The following EPN2 variants were observed in gnomAD, a reference collection of about 807,000 sequenced individuals.
EPN2 encodes the protein epsin-2.
In EPN2, 34 loss-of-function variants were observed where a neutral mutation model predicts 61.7. The observed-to-expected ratio is 0.55, with a 90% CI of 0.42 to 0.73. The LOEUF is 0.73. Ranked by LOEUF, EPN2 falls within the 30% of genes least tolerant of loss-of-function variation. The probability of loss-of-function intolerance (pLI) is 0.00; values close to 1 mark genes in which losing one functional copy is unlikely to be tolerated. For missense variants in EPN2, 714 were observed against 839.2 expected, an observed-to-expected ratio of 0.85 and a Z score of 1.84; for synonymous variants, 349 against 353.6, an observed-to-expected ratio of 0.99 and a Z score of 0.15.
chr17:19,295,370 G>GCGCA (rs1227756316), intron 4 of EPN2, among the ~76,000 whole-genome samples: 4 of 129,902 alleles, frequency 3.1e-5, no homozygotes, highest in African/African-American at 1.4e-4. Flanking sequence ...ACACACACGC[G>GCGCA]CGTGCGCGCA....
intron 7 of EPN2, among the ~76,000 whole-genome samples, chr17:19,326,846 G>A (rs1906899564): frequency 6.6e-6 from 1 of 152,156 alleles, no homozygotes; most frequent in African/African-American, 2.4e-5. Context: ...GAGTCAAGAA[G>A]AAGGTAACCA....
At chr17:19,256,419 CAAAAAAAAAA>C (rs61210278) in intron 1 of EPN2, among the ~76,000 whole-genome samples, 7 of 67,970 alleles carry the variant, frequency 1.0e-4, no homozygotes, top group Middle Eastern at 7.2e-3. Context: ...GACCCTGTCT[CAAAAAAAAAA>C]AAAAAAAAAA....
intron 1 of EPN2, among the ~76,000 whole-genome samples, chr17:19,240,668 T>C (rs1272781833): frequency 6.6e-6 from 1 of 152,230 alleles, no homozygotes; most frequent in African/African-American, 2.4e-5. Flanking sequence ...GTCAATACTT[T>C]GCCGTCTAGC....
intron 1 of EPN2, among the ~76,000 whole-genome samples, chr17:19,255,801 T>C (rs1481923344): frequency 6.6e-6 from 1 of 152,024 alleles, no homozygotes; most frequent in Non-Finnish European, 1.5e-5. Context: ...TATTTATTTA[T>C]TTGTAGAGAC....
At chr17:19,331,725 C>A in intron 9 of EPN2, 128 bp from the exon 10 acceptor site, 1 of 735,666 alleles carries the variant, frequency 1.4e-6, no homozygotes, top group Non-Finnish European at 2.4e-6. Flanking sequence ...CAGCCCATGA[C>A]TGGCTGTGTG....
intron 4 of EPN2, among the ~76,000 whole-genome samples, chr17:19,294,777 C>G (rs1040851355): frequency 5.9e-5 from 9 of 152,174 alleles, no homozygotes; most frequent in Non-Finnish European, 8.8e-5. Flanking sequence ...AAATGAGAAT[C>G]TCTGGGAGGG....
Position 19,283,128 on chromosome 17 carries a change from T to G in EPN2, c.9T>G (p.Thr3=), listed in dbSNP as rs146298008. MT[T]SSIRRQMKNI... ...TAACAAAGAAAATAAAAATGACGAC[T>G]TCGTCTATCAGACGGCAGATGAAAA... Residue 3 remains threonine (T), a synonymous_variant, in exon 3 of 11, where the codon ACT becomes ACG. Transcript: ENST00000314728. The surrounding 1 kb of genome is among the most constrained non-coding windows in gnomAD (Gnocchi z 7.0). The G allele has an allele frequency of 6.2e-7, 1 of 1,605,120 alleles. No homozygotes were observed. The highest frequency in any genetic ancestry group is 1.7e-5 in the Admixed American group (1 of 57,798).
intron 7 of EPN2, among the ~76,000 whole-genome samples, chr17:19,325,443 T>G (rs1350270596): frequency 6.6e-6 from 1 of 152,196 alleles, no homozygotes; most frequent in African/African-American, 2.4e-5. Context: ...ATTAGAAAAT[T>G]TACAAATGTA....
At chr17:19,280,562 A>G (rs1326281946) in intron 1 of EPN2, among the ~76,000 whole-genome samples, 2 of 152,158 alleles carry the variant, frequency 1.3e-5, no homozygotes, top group Non-Finnish European at 2.9e-5. Context: ...ATATTTGAGG[A>G]TGGAGAGAAG....
intron 4 of EPN2, among the ~76,000 whole-genome samples, chr17:19,303,461 G>A (rs543910941): frequency 6.6e-6 from 1 of 152,324 alleles, no homozygotes; most frequent in Non-Finnish European, 1.5e-5. Context: ...CGGGATGTCT[G>A]TCCCTGGCCT....
At chr17:19,325,963 C>A (rs1906849488) in intron 7 of EPN2, among the ~76,000 whole-genome samples, 1 of 152,084 alleles carries the variant, frequency 6.6e-6, no homozygotes. Context: ...TTCTGCATAA[C>A]AATAAATAGA....
At chr17:19,321,257 G>A (rs1408235542) in intron 7 of EPN2, among the ~76,000 whole-genome samples, 1 of 152,154 alleles carries the variant, frequency 6.6e-6, no homozygotes, top group Non-Finnish European at 1.5e-5. Flanking sequence ...CCAACACTCA[G>A]ACCCCCTTTG....
intron 7 of EPN2, among the ~76,000 whole-genome samples, chr17:19,321,924 C>T (rs572114938): frequency 6.6e-6 from 1 of 152,312 alleles, no homozygotes; most frequent in African/African-American, 2.4e-5. Flanking sequence ...ATGCCACTTA[C>T]GTCCAGCTGG....
Position 19,335,551 on chromosome 17 carries a change from G to C in EPN2, c.*1297G>C. On this transcript the variant is annotated 3_prime_UTR_variant, in exon 11 of 11. Coordinates refer to ENST00000314728, the MANE Select transcript of EPN2 (RefSeq NM_014964.5). The stretch of plus-strand genomic sequence containing the variant: ...AATGTGGAAATGGCAGTTGTCCCGA[G>C]GGCGTGGGGTGGGGGGTGCTTCTGT... The C allele has an allele frequency of 6.9e-7, 1 of 1,440,406 alleles. No homozygotes were observed. Among genetic ancestry groups the C allele is most frequent in the Non-Finnish European group, 9.4e-7 (1 of 1,063,002 alleles). The allele number at this position is 1,440,406 out of a possible 1,614,324, so 89.2% of individuals were successfully genotyped here. A position where few individuals can be genotyped will look rare whatever the true frequency, so the allele number is the denominator to read the frequency against.
chr17:19,328,702 T>C lies in EPN2; in HGVS notation c.1148-9T>C, dbSNP rs375681610. On this transcript the variant is annotated splice_polypyrimidine_tract_variant and intron_variant, in intron 7 of 10. Coordinates refer to ENST00000314728, the MANE Select transcript of EPN2 (RefSeq NM_014964.5). ...GGCATTTCTGAGCCCTGACCCTGCCTTCCAACAGGTACCAAGCCAGCTGCC... is the reference window on the plus strand; with the variant it reads ...GGCATTTCTGAGCCCTGACCCTGCCCTCCAACAGGTACCAAGCCAGCTGCC... 3 of 1,598,270 alleles carry C rather than the reference T, an allele frequency of 1.9e-6. No homozygotes were observed. Among genetic ancestry groups the C allele is most frequent in the Non-Finnish European group, 2.6e-6 (3 of 1,169,968 alleles).
At chr17:19,304,385 G>T (rs1405523696) in intron 4 of EPN2, among the ~76,000 whole-genome samples, 1 of 152,166 alleles carries the variant, frequency 6.6e-6, no homozygotes, top group Non-Finnish European at 1.5e-5. Flanking sequence ...CTAGAGAACT[G>T]GCCACTGGAC....
At position 19,335,356 on chromosome 17, in the gene EPN2, G is replaced by T; in HGVS notation, c.*1102G>T. Reference sequence around the variant, plus strand: ...AGTTAAAGAAAAAAATCTAATGTATGAATGTGACTCACCAATTTTTATCAA... The same window carrying T: ...AGTTAAAGAAAAAAATCTAATGTATTAATGTGACTCACCAATTTTTATCAA... On this transcript the variant is annotated 3_prime_UTR_variant, in exon 11 of 11. Transcript: ENST00000314728. 1 of 1,534,924 alleles carries T rather than the reference G, an allele frequency of 6.5e-7. No homozygotes were observed. The highest frequency in any genetic ancestry group is 1.2e-5 in the South Asian group (1 of 83,130).
At chr17:19,244,481 T>A (rs533016707) in intron 1 of EPN2, among the ~76,000 whole-genome samples, 7 of 151,496 alleles carry the variant, frequency 4.6e-5, no homozygotes, top group African/African-American at 1.7e-4. Context: ...AAAGAAAGAA[T>A]TGTAACTTGA....
intron 1 of EPN2, among the ~76,000 whole-genome samples, chr17:19,245,742 A>C (rs2044940441): frequency 6.6e-6 from 1 of 150,814 alleles, no homozygotes; most frequent in African/African-American, 2.4e-5. Flanking sequence ...GGCTCACTGC[A>C]ACCTCCATCT....
Sources: allele counts gnomAD v4.1 joint callset (sites outside exome capture counted in the v4.1 genomes callset), GRCh38; gene constraint gnomAD v4.1.1; non-coding constraint Gnocchi (gnomAD v3.1); transcripts MANE v1.5; gene names NCBI Gene and HGNC (gene_info 2026-07-23, HGNC 2026-07-21).